RBPJ: variants seen among roughly 807,000 people sequenced by gnomAD.
RBPJ encodes the protein recombining binding protein suppressor of hairless.
RBPJ carries 9 observed loss-of-function variants against 67.8 expected under a neutral mutation model. The ratio of observed to expected loss-of-function variants is 0.13; its 90% CI spans 0.08 to 0.23. The LOEUF is 0.23. Among genes scored for constraint, RBPJ ranks in the 10% least tolerant of loss-of-function variants. The probability of loss-of-function intolerance (pLI) is 1.00; values close to 1 mark genes in which losing one functional copy is unlikely to be tolerated. For synonymous variants in RBPJ, 198 were observed against 203.3 expected (o/e 0.97, Z 0.22); for missense variants, 305 against 595.6 (o/e 0.51, Z 5.08).
Position 26,432,087 on chromosome 4 carries a change from T to C in RBPJ, c.*1080T>C, listed in dbSNP as rs1228736483. 6.6e-6 allele frequency: 1 copy of C among 152,244 alleles called. No individual in the cohort carries two copies. Among genetic ancestry groups the C allele is most frequent in the Non-Finnish European group, 1.5e-5 (1 of 68,038 alleles). 9.4% of individuals were successfully genotyped at this position (152,244 alleles called of 1,614,324 possible). ...ACATTTTATTTTGAACTTGGAATGT[T>C]CCCAGTGATTTCATTCAGCAGGGTA... On this transcript the variant is annotated 3_prime_UTR_variant, in exon 11 of 11. Transcript: ENST00000355476.
intron 3 of RBPJ, among the ~76,000 whole-genome samples, chr4:26,406,911 A>G (rs1169419223): frequency 6.6e-6 from 1 of 152,238 alleles, no homozygotes; most frequent in Non-Finnish European, 1.5e-5. Flanking sequence ...GAGGCTTTAG[A>G]GTAAGAAGCT....
At chr4:26,382,340 T>C (rs1188698959) in intron 1 of RBPJ, among the ~76,000 whole-genome samples, 3 of 152,254 alleles carry the variant, frequency 2.0e-5, no homozygotes. Flanking sequence ...GAGAAATGAT[T>C]ATTTTGGTTG....
chr4:26,276,586 T>C (rs1560240387), intron 1 of RBPJ, among the ~76,000 whole-genome samples: 1 of 152,232 alleles, frequency 6.6e-6, no homozygotes, highest in Non-Finnish European at 1.5e-5. Flanking sequence ...CTTCCATTGC[T>C]GTCAACACAG....
intron 1 of RBPJ, among the ~76,000 whole-genome samples, chr4:26,224,590 T>C (rs1719023219): frequency 6.6e-6 from 1 of 152,004 alleles, no homozygotes; most frequent in South Asian, 2.1e-4. Flanking sequence ...ACTCCTGACC[T>C]CAAGAGATCC....
intron 1 of RBPJ, among the ~76,000 whole-genome samples, chr4:26,201,727 T>G (rs573389559): frequency 3.7e-4 from 57 of 152,216 alleles, no homozygotes; most frequent in Admixed American, 8.5e-4. Context: ...TATATTTTTC[T>G]AACGTTCTAA....
chr4:26,149,972 C>A, the RBPJ span, among the ~76,000 whole-genome samples: 1 of 152,212 alleles, frequency 6.6e-6, no homozygotes, highest in African/African-American at 2.4e-5. Flanking sequence ...AGTGAGATTG[C>A]AGTTAGCATT....
the RBPJ span, among the ~76,000 whole-genome samples, chr4:26,116,817 G>C: frequency 2.0e-5 from 3 of 152,224 alleles, no homozygotes; most frequent in Non-Finnish European, 2.9e-5. Flanking sequence ...TCACTAGGGA[G>C]AATCTTCTGC....
intron 1 of RBPJ, among the ~76,000 whole-genome samples, chr4:26,164,317 T>C (rs1716180430): frequency 6.6e-6 from 1 of 152,256 alleles, no homozygotes. Flanking sequence ...TACAATAGTA[T>C]GTATACTATT....
chr4:26,350,937 G>A (rs1176191877), intron 1 of RBPJ, among the ~76,000 whole-genome samples: 1 of 152,068 alleles, frequency 6.6e-6, no homozygotes, highest in Non-Finnish European at 1.5e-5. Flanking sequence ...GCCAATTCTT[G>A]GTAGGAAACA....
chr4:26,146,637 T>C, the RBPJ span, among the ~76,000 whole-genome samples: 2 of 152,166 alleles, frequency 1.3e-5, no homozygotes, highest in African/African-American at 2.4e-5. Context: ...TAAACACAAC[T>C]CCTGCTCTCA....
intron 1 of RBPJ, among the ~76,000 whole-genome samples, chr4:26,295,788 T>C (rs1721857078): frequency 2.0e-5 from 3 of 152,178 alleles, no homozygotes; most frequent in Admixed American, 2.0e-4. Flanking sequence ...CCAATAATCA[T>C]ATGATTCAAG....
intron 1 of RBPJ, among the ~76,000 whole-genome samples, chr4:26,210,877 G>A (rs1440970617): frequency 6.7e-6 from 1 of 149,476 alleles, no homozygotes; most frequent in Non-Finnish European, 1.5e-5. Context: ...ACTTTCAACC[G>A]AAGAGCCTGG....
chr4:26,280,501 C>A (rs200667595), intron 1 of RBPJ, among the ~76,000 whole-genome samples: 3 of 151,868 alleles, frequency 2.0e-5, no homozygotes, highest in Admixed American at 6.6e-5. Flanking sequence ...CTTAAGGAGA[C>A]CATACTTTTT....
intron 1 of RBPJ, among the ~76,000 whole-genome samples, chr4:26,239,884 C>T (rs897831378): frequency 1.3e-5 from 2 of 152,042 alleles, no homozygotes; most frequent in African/African-American, 4.8e-5. Context: ...CCACTCAAAG[C>T]CAAAATATAT....
chr4:26,323,371 A>G (rs1375810451), intron 1 of RBPJ, among the ~76,000 whole-genome samples: 1 of 152,204 alleles, frequency 6.6e-6, no homozygotes, highest in Non-Finnish European at 1.5e-5. Context: ...CAGACATGAT[A>G]AAAGCGCTTT....
chr4:26,402,901 C>T (rs1344463532), intron 2 of RBPJ, among the ~76,000 whole-genome samples: 1 of 152,152 alleles, frequency 6.6e-6, no homozygotes, highest in Admixed American at 6.6e-5. Context: ...TCAGAGTTGA[C>T]TTTTGTCAGC....
rs547881244 is a variant in RBPJ, at chr4:26,433,584, T to C, written c.*2577T>C. The C allele has an allele frequency of 6.6e-6, 1 of 152,370 alleles. No homozygotes were observed. The highest frequency in any genetic ancestry group is 2.4e-5 in the African/African-American group (1 of 41,594). 9.4% of individuals were successfully genotyped at this position (152,370 alleles called of 1,614,324 possible). ...TTTCCGTAAGATAATTGAAATATTA[T>C]ACTGTAAACCCTTTTCTTTTCTTTT... On this transcript the variant is annotated 3_prime_UTR_variant, in exon 11 of 11. Transcript: ENST00000355476.
chr4:26,205,303 CA>C lies in RBPJ; in HGVS notation c.-167+41690del, dbSNP rs1718131677. ...CAGTGTGGAGTATAGGACATTGCCTCACCCTCTGCACAGTGTAGAAGAACCC... is the reference window on the plus strand; with the variant it reads ...CAGTGTGGAGTATAGGACATTGCCTCCCCTCTGCACAGTGTAGAAGAACCC... On this transcript the variant is annotated intron_variant, in intron 1 of 4. Transcript: ENST00000512351. Among the ~76,000 whole-genome samples the C allele has an allele frequency of 2.0e-5, 3 of 152,192 alleles. No homozygotes were observed. The South Asian group carries it at 6.2e-4, about 32-fold the overall frequency.
chr4:26,158,658 C>T (rs934781854), upstream of RBPJ, among the ~76,000 whole-genome samples: 9 of 152,196 alleles, frequency 5.9e-5, no homozygotes, highest in African/African-American at 2.2e-4. Context: ...CAATTTTCTG[C>T]CTACTTTCTC....
Sources: allele counts gnomAD v4.1 joint callset (sites outside exome capture counted in the v4.1 genomes callset), GRCh38; gene constraint gnomAD v4.1.1; transcripts MANE v1.5; gene names NCBI Gene and HGNC (gene_info 2026-07-23, HGNC 2026-07-21).